Variants in TENM3 observed in about 807,000 individuals in gnomAD.
TENM3 encodes teneurin transmembrane protein 3, also known as teneurin-3.
TENM3 carries 63 observed loss-of-function variants against 255.1 expected under a neutral mutation model. The observed-to-expected ratio is 0.25, with a 90% CI of 0.20 to 0.30. The LOEUF is 0.30. TENM3 is among the 10% of genes least tolerant of loss of function. The probability of loss-of-function intolerance (pLI) is 1.00; values close to 1 mark genes in which losing one functional copy is unlikely to be tolerated. For missense variants in TENM3, 2,929 were observed against 3,461.1 expected (o/e 0.85, Z 3.86); for synonymous variants, 1,306 against 1,322.3 (o/e 0.99, Z 0.27).
chr4:182,153,963 A>C lies in TENM3; in HGVS notation c.-76+9209A>C, dbSNP rs561379407. ...GGAAAGTGAAGTATAAATAGTTCAT[A>C]CTCTTGGAAAAATGTTACTAATGTA... On this transcript the variant is annotated intron_variant, in intron 1 of 2. Transcript: ENST00000512480. 4.6e-5 allele frequency among the ~76,000 whole-genome samples: 7 copies of C among 151,970 alleles called. No individual in the cohort carries two copies. In the South Asian group the frequency reaches 1.5e-3, roughly 32 times the overall value.
the TENM3 span, among the ~76,000 whole-genome samples, chr4:181,652,759 T>C: frequency 6.6e-6 from 1 of 152,182 alleles, no homozygotes; most frequent in South Asian, 2.1e-4. Flanking sequence ...ATAATAATAG[T>C]AATCAATGTT....
the TENM3 span, among the ~76,000 whole-genome samples, chr4:181,730,049 G>C: frequency 2.3e-3 from 352 of 152,290 alleles, 1 homozygote; most frequent in African/African-American, 8.1e-3. Flanking sequence ...TCTTCAAAGC[G>C]GGGCAGGAGA....
the TENM3 span, among the ~76,000 whole-genome samples, chr4:181,576,270 A>G: frequency 1.3e-5 from 2 of 152,158 alleles, no homozygotes; most frequent in Non-Finnish European, 2.9e-5. Flanking sequence ...GCTGCAAAAG[A>G]TATGATTTCA....
chr4:181,887,340 A>C, the TENM3 span, among the ~76,000 whole-genome samples: 1 of 152,182 alleles, frequency 6.6e-6, no homozygotes, highest in East Asian at 1.9e-4. Flanking sequence ...AAGGCTGTTA[A>C]TGTAAGCTTA....
chr4:181,838,275 A>C, the TENM3 span, among the ~76,000 whole-genome samples: 47 of 152,204 alleles, frequency 3.1e-4, no homozygotes, highest in Non-Finnish European at 6.2e-4. Flanking sequence ...CTCCTGCACC[A>C]ATATTTGATT....
intron 3 of TENM3, among the ~76,000 whole-genome samples, chr4:182,524,250 C>A (rs1429417474): frequency 2.7e-5 from 4 of 150,902 alleles, no homozygotes; most frequent in African/African-American, 9.7e-5. Flanking sequence ...AATGGGTTAT[C>A]ATTTCAAATT....
intron 3 of TENM3, among the ~76,000 whole-genome samples, chr4:182,396,683 C>A (rs1317250484): frequency 6.6e-6 from 1 of 152,124 alleles, no homozygotes; most frequent in Non-Finnish European, 1.5e-5. Context: ...AAATCCTGAC[C>A]AGGCACGGTG....
chr4:182,637,687 A>G (rs1751956733), intron 5 of TENM3, among the ~76,000 whole-genome samples: 1 of 152,252 alleles, frequency 6.6e-6, no homozygotes, highest in South Asian at 2.1e-4. Context: ...ACACTGTGAC[A>G]GAGACAGCAG....
chr4:182,248,292 C>A (rs1347628134), intron 1 of TENM3, among the ~76,000 whole-genome samples: 1 of 151,988 alleles, frequency 6.6e-6, no homozygotes, highest in East Asian at 1.9e-4. Context: ...TAAAGTGTCA[C>A]TAAAAAAGTA....
At chr4:181,983,708 T>C in the TENM3 span, among the ~76,000 whole-genome samples, 2 of 152,128 alleles carry the variant, frequency 1.3e-5, no homozygotes, top group East Asian at 3.9e-4. Context: ...CTACTTCCAT[T>C]TATTAGAATA....
At chr4:181,649,362 G>A in the TENM3 span, among the ~76,000 whole-genome samples, 3 of 152,166 alleles carry the variant, frequency 2.0e-5, no homozygotes, top group Non-Finnish European at 4.4e-5. Flanking sequence ...GGGATCAGGT[G>A]GGAAAAAGCA....
chr4:182,132,489 C>CA, the TENM3 span, among the ~76,000 whole-genome samples: 32 of 145,730 alleles, frequency 2.2e-4, no homozygotes, highest in South Asian at 4.3e-4. Context: ...GAATCTGTCT[C>CA]AAAAAAAAAA....
the TENM3 span, among the ~76,000 whole-genome samples, chr4:181,784,347 T>C: frequency 6.6e-6 from 1 of 152,100 alleles, no homozygotes; most frequent in Non-Finnish European, 1.5e-5. Flanking sequence ...CTCTCCTCGA[T>C]ATGCTATATT....
intron 3 of TENM3, 54 bp from the exon 4 acceptor site, chr4:182,600,870 T>TATATATATATAC: frequency 1.3e-6 from 1 of 791,268 alleles, no homozygotes; most frequent in East Asian, 3.6e-5. Context: ...TGTATATACA[T>TATATATATATAC]ATATATATAT....
At chr4:182,560,642 AG>A (rs1743068509) in intron 3 of TENM3, among the ~76,000 whole-genome samples, 1 of 152,218 alleles carries the variant, frequency 6.6e-6, no homozygotes. Context: ...CAGGAGCAGC[AG>A]GAATAAAACC....
the TENM3 span, among the ~76,000 whole-genome samples, chr4:181,787,026 T>G: frequency 6.6e-6 from 1 of 152,332 alleles, no homozygotes; most frequent in African/African-American, 2.4e-5. Flanking sequence ...TCATGTCCCC[T>G]TTGTAAACTA....
chr4:182,736,808 G>A lies in TENM3; in HGVS notation c.2968G>A (p.Val990Ile). 2 of 1,611,848 alleles carry A rather than the reference G, an allele frequency of 1.2e-6. No individual in the cohort carries two copies. Among genetic ancestry groups the A allele is most frequent in the Non-Finnish European group, 1.7e-6 (2 of 1,179,190 alleles). Residue 990 changes from valine (V) to isoleucine (I), a missense_variant and splice_region_variant, in exon 17 of 28, where the codon GTA becomes ATA. Around this residue, in one of 6 missense-constraint regions of TENM3, gnomAD observed 1,608 missense variants for 1,884.4 expected, o/e 0.85. Coordinates refer to ENST00000511685, the MANE Select transcript of TENM3 (RefSeq NM_001080477.4). ...AAACTTCTGCTTTATTCAAACTTAG[G>A]TACTCCACGAGGAAACTACAATTCC... ...EDSPIIPETQ[V>I]LHEETTIPGT...
At chr4:182,794,041 T>C (rs1766309600) in intron 26 of TENM3, among the ~76,000 whole-genome samples, 156 bp downstream of exon 26, 1 of 152,198 alleles carries the variant, frequency 6.6e-6, no homozygotes, top group Admixed American at 6.5e-5. Flanking sequence ...TATGGAACCA[T>C]AGAGAAATCA....
At chr4:182,655,172 C>T (rs1412616577) in intron 6 of TENM3, among the ~76,000 whole-genome samples, 2 of 152,036 alleles carry the variant, frequency 1.3e-5, no homozygotes, top group African/African-American at 4.8e-5. Flanking sequence ...AGTAACTATA[C>T]AGAAATTAAG....
Sources: allele counts gnomAD v4.1 joint callset (sites outside exome capture counted in the v4.1 genomes callset), GRCh38; gene constraint gnomAD v4.1.1; regional missense constraint gnomAD v4.1.1; transcripts MANE v1.5; gene names NCBI Gene and HGNC (gene_info 2026-07-23, HGNC 2026-07-21).